Variants in PDPN observed in about 807,000 individuals in gnomAD.
The protein encoded by PDPN is PA2.26 antigen.
Under a neutral mutation model 23.2 loss-of-function variants are expected in PDPN, and 12 were observed. That is an observed-to-expected ratio of 0.52 (90% CI 0.33 to 0.84). PDPN has a LOEUF of 0.84. Among genes scored for constraint, PDPN ranks in the 40% least tolerant of loss-of-function variants. The probability of loss-of-function intolerance (pLI) is 0.02; values close to 1 mark genes in which losing one functional copy is unlikely to be tolerated. For synonymous variants in PDPN, 77 were observed against 76.7 expected, an observed-to-expected ratio of 1.00 and a Z score of -0.02; for missense variants, 199 against 212.2, an observed-to-expected ratio of 0.94 and a Z score of 0.39.
intron 1 of PDPN, among the ~76,000 whole-genome samples, chr1:13,588,449 G>T (rs1032506518): frequency 6.6e-6 from 1 of 151,760 alleles, no homozygotes; most frequent in African/African-American, 2.4e-5. Context: ...GTGATACAGC[G>T]AATATTGTCC....
chr1:13,598,245 C>T (rs2100235868), intron 1 of PDPN, among the ~76,000 whole-genome samples: 1 of 152,116 alleles, frequency 6.6e-6, no homozygotes, highest in South Asian at 2.1e-4. Context: ...GCTAACCCCT[C>T]ACCTCAGGTG....
intron 5 of PDPN, 197 bp downstream of exon 5, chr1:13,614,608 A>G (rs1368866017): frequency 3.9e-6 from 2 of 507,560 alleles, no homozygotes; most frequent in South Asian, 2.0e-5. Context: ...CTCTGGTACA[A>G]TGGTCATGTT....
chr1:13,599,981 C>T (rs1056899912), intron 1 of PDPN, among the ~76,000 whole-genome samples: 1 of 152,176 alleles, frequency 6.6e-6, no homozygotes, highest in African/African-American at 2.4e-5. Context: ...TTCCTTCTAA[C>T]CTGCCATTGC....
At position 13,599,373 on chromosome 1, in the gene PDPN, CTTTTTTTTTTTTTTTTTTT is replaced by C. The variant is rs70984267; in HGVS notation, c.68-7788_68-7770del. On this transcript the variant is annotated intron_variant, in intron 1 of 5. Coordinates refer to ENST00000621990, the MANE Select transcript of PDPN (RefSeq NM_006474.5). The stretch of plus-strand genomic sequence containing the variant: ...TATCTTGATGTGTTCGAGAAGCTAT[CTTTTTTTTTTTTTTTTTTT>C]TTTTTTTTTTTCAGACAGAGCCTTG... 1.0e-3 allele frequency among the ~76,000 whole-genome samples: 77 copies of C among 77,086 alleles called. 1 individual carries two copies. The highest frequency in any genetic ancestry group is 1.4e-3 in the East Asian group (3 of 2,122). 50.6% of individuals were successfully genotyped at this position (77,086 alleles called of 152,430 possible). A position where few individuals can be genotyped will look rare whatever the true frequency, so the allele number is the denominator to read the frequency against.
chr1:13,586,348 T>C (rs1640178525), intron 1 of PDPN, among the ~76,000 whole-genome samples: 1 of 152,214 alleles, frequency 6.6e-6, no homozygotes, highest in South Asian at 2.1e-4. Context: ...AGAGGCTTTG[T>C]GAGGGAGGCC....
intron 4 of PDPN, among the ~76,000 whole-genome samples, 166 bp downstream of exon 4, chr1:13,613,891 T>A (rs867690055): frequency 3.3e-5 from 4 of 120,720 alleles, no homozygotes; most frequent in Non-Finnish European, 5.4e-5. Flanking sequence ...TTTTTTTTTT[T>A]AAAGAGAGAA....
At chr1:13,590,864 G>A (rs1640323999) in intron 1 of PDPN, among the ~76,000 whole-genome samples, 1 of 151,956 alleles carries the variant, frequency 6.6e-6, no homozygotes, top group Non-Finnish European at 1.5e-5. Flanking sequence ...GGGCAGGTGC[G>A]GTGGAGGGGC....
intron 1 of PDPN, among the ~76,000 whole-genome samples, chr1:13,598,472 C>T (rs1640554318): frequency 6.6e-6 from 1 of 152,126 alleles, no homozygotes; most frequent in Non-Finnish European, 1.5e-5. Context: ...TAAGCTTCTC[C>T]CTGCTTCAGC....
chr1:13,609,195 A>G (rs142849852), intron 2 of PDPN, among the ~76,000 whole-genome samples: 508 of 152,198 alleles, frequency 3.3e-3, no homozygotes, highest in African/African-American at 0.012. Flanking sequence ...TTACAGAATA[A>G]ATTTTCCTAA....
At position 13,595,346 on chromosome 1, in the gene PDPN, C is replaced by T. The variant is rs376503043; in HGVS notation, c.67+11246C>T. 9.9e-5 allele frequency among the ~76,000 whole-genome samples: 15 copies of T among 152,222 alleles called. No individual in the cohort carries two copies. The South Asian group carries it at 1.2e-3, about 13-fold the overall frequency. ...CTTGCTATTGAAAGGAAAATGGAGT[C>T]GCTCTCATTGGCCCCTCTTCTTCAT... On this transcript the variant is annotated intron_variant, in intron 1 of 5. Transcript: ENST00000621990.
chr1:13,605,819 C>T (rs1347709375), intron 1 of PDPN, among the ~76,000 whole-genome samples: 2 of 152,096 alleles, frequency 1.3e-5, no homozygotes, highest in South Asian at 2.1e-4. Context: ...GATGGGATTT[C>T]ACCACGTTGG....
chr1:13,603,250 G>T (rs1049071695), intron 1 of PDPN, among the ~76,000 whole-genome samples: 1 of 152,080 alleles, frequency 6.6e-6, no homozygotes, highest in African/African-American at 2.4e-5. Context: ...GGGCGTGGTG[G>T]TGCACACCTG....
In PDPN at chr1:13,589,399, A is replaced by G. The variant is rs370934047; in HGVS notation, c.67+5299A>G. Among the ~76,000 whole-genome samples the G allele has an allele frequency of 3.3e-5, 5 of 152,304 alleles. No individual in the cohort carries two copies. The East Asian group carries it at 7.7e-4, about 23-fold the overall frequency. Reference sequence around the variant, plus strand: ...AGTTTGTTCTGAGCCAAATCTCCCCATAAGATTAAATGTGAATCTGTAAAG... The same window carrying G: ...AGTTTGTTCTGAGCCAAATCTCCCCGTAAGATTAAATGTGAATCTGTAAAG... On this transcript the variant is annotated intron_variant, in intron 1 of 5. Transcript: ENST00000621990.
Position 13,602,572 on chromosome 1 carries a change from C to G in PDPN, c.68-4601C>G, listed in dbSNP as rs1307783762. Among the ~76,000 whole-genome samples the G allele has an allele frequency of 3.3e-5, 5 of 152,212 alleles. No homozygotes were observed. In the East Asian group the frequency reaches 9.7e-4, roughly 29 times the overall value. ...ATAACAGCCTGATTGAATGTTACAT[C>G]TAAACTCAAAAGTACTTCTTTTTTT... On this transcript the variant is annotated intron_variant, in intron 1 of 5. Transcript: ENST00000621990.
intron 1 of PDPN, among the ~76,000 whole-genome samples, chr1:13,599,012 T>C (rs1213593128): frequency 1.6e-5 from 1 of 62,550 alleles, no homozygotes; most frequent in Non-Finnish European, 3.1e-5. Flanking sequence ...CCCCCCCTCC[T>C]TTTTTTTTTT....
rs1194520276 is a variant in PDPN, at chr1:13,617,828, C to G, written c.*1917C>G. 6.6e-6 allele frequency: 1 copy of G among 151,978 alleles called. No individual in the cohort carries two copies. Among genetic ancestry groups the G allele is most frequent in the African/African-American group, 2.4e-5 (1 of 41,204 alleles). 9.4% of individuals were successfully genotyped at this position (151,978 alleles called of 1,614,324 possible). A position where few individuals can be genotyped will look rare whatever the true frequency, so the allele number is the denominator to read the frequency against. The stretch of plus-strand genomic sequence containing the variant: ...CTTCCCCCCTCACTGTGAAAAATAA[C>G]AGTCCACCCCAAGTCATACACTGGA... On this transcript the variant is annotated 3_prime_UTR_variant, in exon 6 of 6. Transcript: ENST00000621990.
intron 1 of PDPN, among the ~76,000 whole-genome samples, chr1:13,590,113 C>G (rs940980651): frequency 3.3e-5 from 5 of 152,252 alleles, no homozygotes; most frequent in Non-Finnish European, 7.3e-5. Context: ...CAGGCGTAAG[C>G]CACCGCTCCC....
intron 5 of PDPN, among the ~76,000 whole-genome samples, chr1:13,615,586 A>G (rs57093809): frequency 6.6e-6 from 1 of 152,052 alleles, no homozygotes; most frequent in East Asian, 1.9e-4. Flanking sequence ...GCACCCAGCC[A>G]AAAACCTTTT....
chr1:13,584,256 G>A (rs1249587651), intron 1 of PDPN, 156 bp downstream of exon 1: 2 of 1,532,340 alleles, frequency 1.3e-6, no homozygotes, highest in Non-Finnish European at 8.7e-7. Context: ...CGGAGGAGGA[G>A]AGGCAGCGGC....
Sources: gnomAD v4.1 joint callset for allele counts (sites outside exome capture counted in the v4.1 genomes callset) on GRCh38, gnomAD v4.1.1 for gene constraint, MANE v1.5 for transcripts, NCBI Gene and HGNC (gene_info 2026-07-23, HGNC 2026-07-21) for gene names.